Variants in ASTN1 observed in about 807,000 individuals in gnomAD.
The protein encoded by ASTN1 is astrotactin 1, also known as astrotactin-1.
A neutral mutation model predicts 140.7 loss-of-function variants in ASTN1; 41 were observed. The observed-to-expected ratio is 0.29, with a 90% CI of 0.23 to 0.38. The LOEUF is 0.38. Among genes scored for constraint, ASTN1 ranks in the 10% least tolerant of loss-of-function variants. The probability of loss-of-function intolerance (pLI) is 1.00; values close to 1 mark genes in which losing one functional copy is unlikely to be tolerated. For synonymous variants in ASTN1, 640 were observed against 652.2 expected, an observed-to-expected ratio of 0.98 and a Z score of 0.29; for missense variants, 1,479 against 1,678.8, an observed-to-expected ratio of 0.88 and a Z score of 2.08.
At chr1:176,899,408 G>C (rs1476157097) in intron 16 of ASTN1, among the ~76,000 whole-genome samples, 1 of 152,180 alleles carries the variant, frequency 6.6e-6, no homozygotes, top group African/African-American at 2.4e-5. Context: ...AGGTGAATTA[G>C]TTGTTAGGAA....
chr1:177,059,233 G>A (rs1276989898), intron 2 of ASTN1, among the ~76,000 whole-genome samples: 1 of 152,122 alleles, frequency 6.6e-6, no homozygotes, highest in East Asian at 1.9e-4. Flanking sequence ...GATGGCTGAC[G>A]AGAAATCCAC....
rs910629517 is a variant in ASTN1 at position 176,992,425 on chromosome 1, T to A, written c.1523+22366A>T. ...CCTGCCCTTAAGAAAAAAAAAAAAA[T>A]TTGCCTTGAACGTTGTAAAAAAAAA... is the stretch of plus-strand genomic sequence containing the variant. On this transcript the variant is annotated intron_variant, in intron 8 of 22. Transcript: ENST00000361833. Among the ~76,000 whole-genome samples the A allele has an allele frequency of 1.1e-3, 169 of 151,360 alleles. 1 individual carries two copies. Among genetic ancestry groups the A allele is most frequent in the African/African-American group, 6.1e-4 (25 of 41,152 alleles).
intron 5 of ASTN1, 125 bp downstream of exon 5, chr1:177,029,509 A>G: frequency 2.9e-6 from 3 of 1,019,086 alleles, no homozygotes; most frequent in Non-Finnish European, 4.6e-6. Context: ...TGGTCCAAAA[A>G]TTCTTCTTGC....
chr1:177,129,055 C>G (rs950053258), intron 1 of ASTN1, among the ~76,000 whole-genome samples: 1 of 152,118 alleles, frequency 6.6e-6, no homozygotes, highest in African/African-American at 2.4e-5. Flanking sequence ...TATTCTAAAC[C>G]AGACCAATAG....
At chr1:177,089,673 C>T (rs759551046) in intron 1 of ASTN1, among the ~76,000 whole-genome samples, 9 of 152,086 alleles carry the variant, frequency 5.9e-5, no homozygotes, top group Admixed American at 3.3e-4. Context: ...GGCCTCCTCC[C>T]GCACTGCCCC....
intron 1 of ASTN1, among the ~76,000 whole-genome samples, chr1:177,110,615 G>T (rs78350124): frequency 1.3e-5 from 2 of 152,144 alleles, no homozygotes; most frequent in Non-Finnish European, 2.9e-5. Context: ...TACATGGGCC[G>T]TTTCAGCTGA....
At chr1:176,922,511 T>C (rs1288656103) in intron 16 of ASTN1, among the ~76,000 whole-genome samples, 1 of 137,128 alleles carries the variant, frequency 7.3e-6, no homozygotes, top group Non-Finnish European at 1.5e-5. Context: ...GGGATTCTTT[T>C]CCACAGACAG....
intron 7 of ASTN1, among the ~76,000 whole-genome samples, chr1:177,021,304 T>A (rs149660659): frequency 6.6e-6 from 1 of 152,302 alleles, no homozygotes; most frequent in East Asian, 1.9e-4. Flanking sequence ...GAGAAGCTAT[T>A]AGCAGGGGAG....
intron 1 of ASTN1, among the ~76,000 whole-genome samples, chr1:177,102,519 C>G (rs1680349614): frequency 6.6e-6 from 1 of 152,156 alleles, no homozygotes; most frequent in African/African-American, 2.4e-5. Flanking sequence ...CACTCCAATT[C>G]TAGCCTAATA....
intron 22 of ASTN1, 54 bp from the exon 23 acceptor site, chr1:176,864,575 G>A: frequency 6.3e-7 from 1 of 1,595,556 alleles, no homozygotes; most frequent in Non-Finnish European, 8.6e-7. Flanking sequence ...GGGTCTGGAT[G>A]AGCACAGCTA....
intron 16 of ASTN1, 84 bp downstream of exon 16, chr1:176,934,068 T>G: frequency 7.4e-7 from 1 of 1,343,920 alleles, no homozygotes; most frequent in South Asian, 1.7e-5. Flanking sequence ...TACTACAGAC[T>G]CCTTAAAATG....
intron 14 of ASTN1, among the ~76,000 whole-genome samples, chr1:176,942,971 G>A (rs1409308642): frequency 2.0e-5 from 3 of 149,496 alleles, no homozygotes; most frequent in Admixed American, 6.7e-5. Context: ...ACAGGTGCAC[G>A]TCCTCAACCT....
At chr1:177,029,387 C>A (rs1676302517) in intron 5 of ASTN1, 4 of 706,880 alleles carry the variant, frequency 5.7e-6, no homozygotes, top group East Asian at 2.8e-5. Context: ...CAAGAAATAG[C>A]CTTTCAAACA....
At chr1:177,122,626 A>C (rs937312798) in intron 1 of ASTN1, among the ~76,000 whole-genome samples, 2 of 152,136 alleles carry the variant, frequency 1.3e-5, no homozygotes, top group African/African-American at 2.4e-5. Flanking sequence ...CCGTCCTGGC[A>C]ACCTGGCTGC....
chr1:176,866,653 A>AAATAATAAT lies in ASTN1; in HGVS notation c.3648-2141_3648-2133dup, dbSNP rs61332732. 6.2e-3 allele frequency among the ~76,000 whole-genome samples: 936 copies of AAATAATAAT among 152,180 alleles called. 11 individuals are homozygous for AAATAATAAT. The highest frequency in any genetic ancestry group is 0.022 in the African/African-American group (914 of 41,486). On this transcript the variant is annotated intron_variant, in intron 22 of 22. Transcript: ENST00000361833. ...CGTTGCTGCTTTCAGTGCTCACTTTAAATAATAATAATTAATTTGGGATTG... is the reference window on the plus strand; with the variant it reads ...CGTTGCTGCTTTCAGTGCTCACTTTAAATAATAATAATAATAATAATTAATTTGGGATTG...
At chr1:176,900,479 C>T (rs554182441) in intron 16 of ASTN1, among the ~76,000 whole-genome samples, 3 of 152,264 alleles carry the variant, frequency 2.0e-5, no homozygotes, top group East Asian at 3.9e-4. Context: ...TTTCTCCCCA[C>T]CCCATCAACT....
chr1:177,013,117 A>G lies in ASTN1; in HGVS notation c.1523+1674T>C, dbSNP rs184872435. 9.2e-5 allele frequency among the ~76,000 whole-genome samples: 14 copies of G among 152,186 alleles called. 1 individual carries two copies. Among genetic ancestry groups the G allele is most frequent in the South Asian group, 6.2e-4 (3 of 4,808 alleles). ...GCCAAACCTTCTGCCCTTCTCCCCA[A>G]TCTTTCAATAACAGGCTGCCTCATA... On this transcript the variant is annotated intron_variant, in intron 8 of 22. Transcript: ENST00000361833.
At chr1:177,162,508 C>T (rs1050290269) in intron 1 of ASTN1, among the ~76,000 whole-genome samples, 1 of 152,198 alleles carries the variant, frequency 6.6e-6, no homozygotes, top group Non-Finnish European at 1.5e-5. Context: ...GTGCAGAAAA[C>T]CCGTTCTTAT....
At chr1:177,004,595 A>G (rs1674904665) in intron 8 of ASTN1, among the ~76,000 whole-genome samples, 1 of 152,226 alleles carries the variant, frequency 6.6e-6, no homozygotes, top group Non-Finnish European at 1.5e-5. Context: ...GACTATCATA[A>G]CCAAAATAGC....
Sources: allele counts gnomAD v4.1 joint callset (sites outside exome capture counted in the v4.1 genomes callset), GRCh38; gene constraint gnomAD v4.1.1; transcripts MANE v1.5; gene names NCBI Gene and HGNC (gene_info 2026-07-23, HGNC 2026-07-21).